ROBO1: variants seen among roughly 807,000 people sequenced by gnomAD.
ROBO1 encodes roundabout guidance receptor 1.
Under a neutral mutation model 195.9 loss-of-function variants are expected in ROBO1, and 149 were observed. The ratio of observed to expected loss-of-function variants is 0.76; its 90% confidence interval spans 0.67 to 0.87. The LOEUF (loss-of-function observed/expected upper bound fraction) is 0.87, where lower values mean the gene tolerates loss of function less well. ROBO1 is among the 40% of genes least tolerant of loss of function. ROBO1 has a pLI of 0.00. For missense variants in ROBO1, 1,933 were observed against 2,068.3 expected (o/e 0.93, Z 1.27); for synonymous variants, 816 against 733.2 (o/e 1.11, Z -1.82).
chr3:79,696,604 T>G (rs561092836), intron 1 of ROBO1, among the ~76,000 whole-genome samples: 1 of 151,256 alleles, frequency 6.6e-6, no homozygotes, highest in African/African-American at 2.4e-5. Context: ...TAATTCAAAT[T>G]AATAAGGATA....
chr3:78,695,263 T>G (rs2081261779), intron 8 of ROBO1, among the ~76,000 whole-genome samples: 1 of 151,922 alleles, frequency 6.6e-6, no homozygotes. Flanking sequence ...TAACTTAAAG[T>G]ATAATAATAA....
At chr3:78,786,207 A>C (rs1015951559) in intron 4 of ROBO1, among the ~76,000 whole-genome samples, 14 of 152,118 alleles carry the variant, frequency 9.2e-5, no homozygotes, top group African/African-American at 3.4e-4. Context: ...AGTTTCTGTC[A>C]CCTGAGTTTG....
intron 26 of ROBO1, among the ~76,000 whole-genome samples, chr3:78,622,144 G>A (rs1013710718): frequency 6.6e-6 from 1 of 152,092 alleles, no homozygotes; most frequent in African/African-American, 2.4e-5. Flanking sequence ...GAAAAAAAGA[G>A]AAGACAAATT....
chr3:79,425,044 TCTAGAG>T (rs1431540318), intron 2 of ROBO1, among the ~76,000 whole-genome samples: 11 of 152,282 alleles, frequency 7.2e-5, no homozygotes, highest in Non-Finnish European at 8.8e-5. Context: ...TGCCTGGGAT[TCTAGAG>T]CTAGGTTCCA....
At chr3:78,772,584 C>A (rs1456157986) in intron 4 of ROBO1, among the ~76,000 whole-genome samples, 2 of 151,902 alleles carry the variant, frequency 1.3e-5, no homozygotes, top group Non-Finnish European at 2.9e-5. Flanking sequence ...AATCTATGTT[C>A]TTTTTACAAA....
At chr3:79,328,522 A>G (rs2034307672) in intron 2 of ROBO1, among the ~76,000 whole-genome samples, 1 of 152,198 alleles carries the variant, frequency 6.6e-6, no homozygotes, top group Non-Finnish European at 1.5e-5. Context: ...GAGGCAGAAT[A>G]TTAAATAAAA....
At chr3:79,320,871 TTAAGCTAGACTG>T (rs1021012395) in intron 2 of ROBO1, among the ~76,000 whole-genome samples, 2 of 152,204 alleles carry the variant, frequency 1.3e-5, no homozygotes, top group African/African-American at 2.4e-5. Context: ...TTTATAAAAT[TTAAGCTAGACTG>T]TAGAATTTGG....
At chr3:78,665,250 G>A (rs1370582920) in intron 14 of ROBO1, among the ~76,000 whole-genome samples, 1 of 152,156 alleles carries the variant, frequency 6.6e-6, no homozygotes, top group Non-Finnish European at 1.5e-5. Context: ...ACTTGATCCA[G>A]GCATAATTCT....
intron 2 of ROBO1, among the ~76,000 whole-genome samples, chr3:79,237,477 T>C (rs1390132492): frequency 4.4e-5 from 1 of 22,736 alleles, no homozygotes; most frequent in African/African-American, 1.2e-4. Flanking sequence ...CAAGACTCCA[T>C]CTCAAAAAAA....
intron 5 of ROBO1, among the ~76,000 whole-genome samples, chr3:78,727,861 G>A (rs1322077135): frequency 6.6e-6 from 1 of 151,736 alleles, no homozygotes; most frequent in Non-Finnish European, 1.5e-5. Context: ...CTAAGTGTAA[G>A]AACAAATTTC....
chr3:78,848,979 A>ATG (rs2033855013), intron 4 of ROBO1, among the ~76,000 whole-genome samples: 1 of 152,100 alleles, frequency 6.6e-6, no homozygotes. Context: ...GAGGCTGGAC[A>ATG]TATGTTTAAA....
chr3:79,007,928 C>T (rs1286834609), intron 3 of ROBO1, among the ~76,000 whole-genome samples: 1 of 152,158 alleles, frequency 6.6e-6, no homozygotes, highest in African/African-American at 2.4e-5. Flanking sequence ...AAATAATGCT[C>T]TTTACAATAC....
intron 8 of ROBO1, among the ~76,000 whole-genome samples, chr3:78,697,853 TAGAATGTTATTGTA>T (rs1289113569): frequency 6.6e-6 from 1 of 152,180 alleles, no homozygotes; most frequent in Admixed American, 6.5e-5. Flanking sequence ...GTTGACTCTA[TAGAATGTTATTGTA>T]AAGCGAATGC....
At chr3:79,111,863 A>G (rs2079893327) in intron 3 of ROBO1, among the ~76,000 whole-genome samples, 1 of 152,160 alleles carries the variant, frequency 6.6e-6, no homozygotes, top group South Asian at 2.1e-4. Context: ...GTTTTAGTAA[A>G]TAAGGTTTAG....
intron 2 of ROBO1, among the ~76,000 whole-genome samples, chr3:79,485,457 C>T (rs1026743014): frequency 3.9e-5 from 6 of 152,120 alleles, no homozygotes; most frequent in Admixed American, 3.3e-4. Flanking sequence ...ATAGTTCCTA[C>T]ACTAAATGTT....
chr3:79,661,827 T>C (rs1016752295), intron 1 of ROBO1, among the ~76,000 whole-genome samples: 2 of 152,124 alleles, frequency 1.3e-5, no homozygotes, highest in Non-Finnish European at 2.9e-5. Flanking sequence ...TTAGATGCTG[T>C]CAGCTGGTTA....
chr3:78,669,280 C>T (rs1169834755), intron 11 of ROBO1, among the ~76,000 whole-genome samples: 1 of 152,186 alleles, frequency 6.6e-6, no homozygotes, highest in East Asian at 1.9e-4. Flanking sequence ...AGAATGTTGT[C>T]ATCTTGCCCT....
intron 1 of ROBO1, among the ~76,000 whole-genome samples, chr3:79,745,820 T>C (rs1703850273): frequency 6.6e-6 from 1 of 152,156 alleles, no homozygotes; most frequent in Non-Finnish European, 1.5e-5. Context: ...TACAATTGGC[T>C]TAAGGTCAAG....
intron 3 of ROBO1, among the ~76,000 whole-genome samples, chr3:79,021,007 T>A (rs1463177914): frequency 6.6e-6 from 1 of 152,196 alleles, no homozygotes; most frequent in African/African-American, 2.4e-5. Flanking sequence ...TACATTGATT[T>A]TGGTTGCTGC....
Sources: gnomAD v4.1 joint callset for allele counts (sites outside exome capture counted in the v4.1 genomes callset) on GRCh38, gnomAD v4.1.1 for gene constraint, MANE v1.5 for transcripts, NCBI Gene and HGNC (gene_info 2026-07-23, HGNC 2026-07-21) for gene names.